The following AGBL4 variants were observed in gnomAD, a reference collection of about 807,000 sequenced individuals.
The protein encoded by AGBL4 is cytosolic carboxypeptidase 6.
AGBL4 carries 58 observed loss-of-function variants against 66.4 expected under a neutral mutation model. That is an observed-to-expected ratio of 0.87 (90% CI 0.71 to 1.09). AGBL4 has a LOEUF of 1.09. Ranked by LOEUF, AGBL4 falls within the 50% of genes least tolerant of loss-of-function variation. The pLI is 0.00. For missense variants in AGBL4, 579 were observed against 631.0 expected (o/e 0.92, Z 0.88); for synonymous variants, 234 against 222.9 (o/e 1.05, Z -0.44).
At chr1:48,558,132 T>C (rs1644347573) in intron 11 of AGBL4, among the ~76,000 whole-genome samples, 1 of 152,214 alleles carries the variant, frequency 6.6e-6, no homozygotes, top group African/African-American at 2.4e-5. Context: ...ACTTAATGAA[T>C]GTGAAAGCAC....
intron 3 of AGBL4, among the ~76,000 whole-genome samples, chr1:49,628,931 A>G (rs574731044): frequency 3.3e-5 from 5 of 152,308 alleles, no homozygotes; most frequent in African/African-American, 1.2e-4. Context: ...TGTTAGACTC[A>G]GCAGCTGCAT....
At chr1:48,568,859 T>C (rs1644516572) in intron 11 of AGBL4, among the ~76,000 whole-genome samples, 1 of 152,200 alleles carries the variant, frequency 6.6e-6, no homozygotes, top group African/African-American at 2.4e-5. Context: ...TTATTAATAG[T>C]AATGTTTGGA....
intron 11 of AGBL4, among the ~76,000 whole-genome samples, chr1:48,568,305 C>T (rs1442555925): frequency 2.0e-5 from 3 of 152,008 alleles, no homozygotes; most frequent in Non-Finnish European, 2.9e-5. Context: ...CTCTCTCTCT[C>T]TCTCTCTCTC....
intron 5 of AGBL4, among the ~76,000 whole-genome samples, chr1:49,041,478 T>G (rs1643939980): frequency 6.6e-6 from 1 of 152,130 alleles, no homozygotes; most frequent in African/African-American, 2.4e-5. Context: ...CTGCTTTGGA[T>G]AAGGTAAATC....
intron 4 of AGBL4, among the ~76,000 whole-genome samples, chr1:49,188,506 T>C (rs1647056352): frequency 3.9e-5 from 6 of 152,190 alleles, no homozygotes; most frequent in Non-Finnish European, 2.9e-5. Context: ...CTCAGACAGA[T>C]TATAGTCTAA....
chr1:49,472,445 C>CA (rs1450189065), intron 3 of AGBL4, among the ~76,000 whole-genome samples: 3 of 151,520 alleles, frequency 2.0e-5, no homozygotes, highest in African/African-American at 4.8e-5. Flanking sequence ...AAGCTTGAAA[C>CA]AAAAAAATAA....
intron 5 of AGBL4, among the ~76,000 whole-genome samples, 180 bp downstream of exon 5, chr1:49,045,404 C>T (rs1644052949): frequency 6.6e-6 from 1 of 152,166 alleles, no homozygotes; most frequent in Admixed American, 6.5e-5. Context: ...AAAAACAATA[C>T]TTTAAAGAAT....
chr1:49,998,451 G>A (rs1291419662), intron 1 of AGBL4, among the ~76,000 whole-genome samples: 1 of 151,920 alleles, frequency 6.6e-6, no homozygotes, highest in African/African-American at 2.4e-5. Context: ...TTTTAAAATT[G>A]CCAACAAAAA....
At chr1:48,638,806 A>G (rs1645709004) in intron 8 of AGBL4, among the ~76,000 whole-genome samples, 1 of 152,226 alleles carries the variant, frequency 6.6e-6, no homozygotes, top group South Asian at 2.1e-4. Flanking sequence ...ACATCGAAGA[A>G]GTAGTTGTTG....
At chr1:49,740,452 G>T (rs1571451077) in intron 2 of AGBL4, among the ~76,000 whole-genome samples, 1 of 152,086 alleles carries the variant, frequency 6.6e-6, no homozygotes, top group East Asian at 1.9e-4. Flanking sequence ...ATAATAATGG[G>T]AGACTTTAAC....
chr1:49,025,547 T>G (rs1389535915), intron 5 of AGBL4: 1 of 152,138 alleles, frequency 6.6e-6, no homozygotes, highest in Non-Finnish European at 1.5e-5. Flanking sequence ...TTCTTGGCTA[T>G]GACATTCTAT....
chr1:49,599,313 C>A (rs1434563056), intron 3 of AGBL4, among the ~76,000 whole-genome samples: 2 of 152,152 alleles, frequency 1.3e-5, no homozygotes, highest in African/African-American at 2.4e-5. Flanking sequence ...GATTCTACTT[C>A]TTCCTGGTTT....
intron 1 of AGBL4, chr1:50,017,554 A>T (rs961367316): frequency 1.3e-5 from 2 of 152,220 alleles, no homozygotes; most frequent in African/African-American, 4.8e-5. Flanking sequence ...AGAAAGCCAT[A>T]TAAAGAAACA....
At chr1:48,872,916 G>A (rs1327921994) in intron 5 of AGBL4, among the ~76,000 whole-genome samples, 1 of 152,152 alleles carries the variant, frequency 6.6e-6, no homozygotes, top group Non-Finnish European at 1.5e-5. Flanking sequence ...CAGGCAGAGT[G>A]GGGGAATGCA....
intron 3 of AGBL4, among the ~76,000 whole-genome samples, chr1:49,590,302 A>G (rs1310811624): frequency 6.6e-6 from 1 of 152,044 alleles, no homozygotes; most frequent in Non-Finnish European, 1.5e-5. Flanking sequence ...TTTAGCATCA[A>G]TAAAACCGAG....
At chr1:49,716,383 C>T (rs917219004) in intron 2 of AGBL4, among the ~76,000 whole-genome samples, 3 of 151,988 alleles carry the variant, frequency 2.0e-5, no homozygotes, top group Admixed American at 2.0e-4. Flanking sequence ...AGTCAGGTAG[C>T]GTGGTGCCTC....
intron 2 of AGBL4, among the ~76,000 whole-genome samples, chr1:49,811,660 G>T (rs1199719444): frequency 7.2e-5 from 11 of 151,970 alleles, no homozygotes; most frequent in Non-Finnish European, 1.6e-4. Context: ...TCGCTATGTT[G>T]CCCAGATTGA....
chr1:48,920,386 C>T (rs932136391), intron 5 of AGBL4, among the ~76,000 whole-genome samples: 2 of 152,200 alleles, frequency 1.3e-5, no homozygotes, highest in African/African-American at 4.8e-5. Flanking sequence ...GCTACTTGAT[C>T]TTAGGCCTTC....
At chr1:49,478,806 G>C (rs769132362) in intron 3 of AGBL4, among the ~76,000 whole-genome samples, 1 of 151,904 alleles carries the variant, frequency 6.6e-6, no homozygotes, top group Non-Finnish European at 1.5e-5. Flanking sequence ...GATGCAATAA[G>C]ACATAAATAG....
Sources: allele counts gnomAD v4.1 joint callset (sites outside exome capture counted in the v4.1 genomes callset), GRCh38; gene constraint gnomAD v4.1.1; transcripts MANE v1.5; gene names NCBI Gene and HGNC (gene_info 2026-07-23, HGNC 2026-07-21).